BACE2: variants seen among roughly 807,000 people sequenced by gnomAD.
BACE2 encodes 56 kDa aspartic-like protease.
A neutral mutation model predicts 46.2 loss-of-function variants in BACE2; 17 were observed. The observed-to-expected ratio is 0.37, with a 90% CI of 0.25 to 0.55. The LOEUF (loss-of-function observed/expected upper bound fraction) is 0.55, where lower values mean the gene tolerates loss of function less well. Among genes scored for constraint, BACE2 ranks in the 20% least tolerant of loss-of-function variants. The probability of loss-of-function intolerance (pLI) is 0.82; values close to 1 mark genes in which losing one functional copy is unlikely to be tolerated. For missense variants in BACE2, 595 were observed against 698.1 expected (o/e 0.85, Z 1.66); for synonymous variants, 277 against 295.9 (o/e 0.94, Z 0.66).
intron 1 of BACE2, among the ~76,000 whole-genome samples, chr21:41,206,929 T>C (rs1163794157): frequency 7.2e-5 from 11 of 152,222 alleles, no homozygotes; most frequent in African/African-American, 2.2e-4. Context: ...TCTCTTTCTT[T>C]TTTTATGTTT....
chr21:41,280,604 C>G lies in BACE2; in HGVS notation c.*4980C>G, dbSNP rs1022657878. ...CAGAGCAGAAACCACGGCTTTCAGACGTGAGCAGGCTCCCTGGGCTCTTGG... is the reference window on the plus strand; with the variant it reads ...CAGAGCAGAAACCACGGCTTTCAGAGGTGAGCAGGCTCCCTGGGCTCTTGG... On this transcript the variant is annotated 3_prime_UTR_variant, in exon 9 of 9. Transcript: ENST00000330333. 6.6e-6 allele frequency: 1 copy of G among 152,362 alleles called. No individual in the cohort carries two copies. Among genetic ancestry groups the G allele is most frequent in the African/African-American group, 2.4e-5 (1 of 41,466 alleles). The allele number at this position is 152,362 out of a possible 1,614,324, so 9.4% of individuals were successfully genotyped here. A position where few individuals can be genotyped will look rare whatever the true frequency, so the allele number is the denominator to read the frequency against.
At chr21:41,245,850 G>T in intron 5 of BACE2, 112 bp from the exon 6 acceptor site, 1 of 729,396 alleles carries the variant, frequency 1.4e-6, no homozygotes, top group South Asian at 1.8e-5. Flanking sequence ...GATGACTGGT[G>T]TGGCTGCCTG....
chr21:41,189,020 C>T (rs1318831706), intron 1 of BACE2, among the ~76,000 whole-genome samples: 2 of 152,146 alleles, frequency 1.3e-5, no homozygotes, highest in African/African-American at 4.8e-5. Context: ...TTGTGTCCCT[C>T]GAGAGTTTTG....
At chr21:41,179,202 G>A (rs1312903085) in intron 1 of BACE2, 10 of 1,281,308 alleles carry the variant, frequency 7.8e-6, no homozygotes, top group Non-Finnish European at 1.0e-5. Flanking sequence ...GGGTGTCCAG[G>A]TTGAGTGAGG....
chr21:41,212,323 C>T (rs993442064), intron 1 of BACE2, among the ~76,000 whole-genome samples: 1 of 152,192 alleles, frequency 6.6e-6, no homozygotes, highest in Non-Finnish European at 1.5e-5. Flanking sequence ...CTTAGGGCCC[C>T]ACACTCATGA....
chr21:41,257,348 C>G lies in BACE2; in HGVS notation c.1303+22C>G, dbSNP rs750602181. 5 of 1,609,660 alleles carry G rather than the reference C, an allele frequency of 3.1e-6. No individual in the cohort carries two copies. In the African/African-American group the frequency reaches 4.0e-5, roughly 13 times the overall value. On this transcript the variant is annotated intron_variant, in intron 8 of 8. Coordinates refer to ENST00000330333, the MANE Select transcript of BACE2 (RefSeq NM_012105.5). ...GCAGGTGAGCGATTCTGGCATCGAACAGGGATCCCCGACAAGAGTCCTTTA... is the reference window on the plus strand; with the variant it reads ...GCAGGTGAGCGATTCTGGCATCGAAGAGGGATCCCCGACAAGAGTCCTTTA...
chr21:41,237,932 T>C (rs190206391), intron 3 of BACE2, among the ~76,000 whole-genome samples: 1 of 152,382 alleles, frequency 6.6e-6, no homozygotes, highest in East Asian at 1.9e-4. Context: ...GGAACCTTCC[T>C]GTAAGACAGG....
chr21:41,231,362 G>A (rs1460727604), intron 2 of BACE2, among the ~76,000 whole-genome samples: 1 of 152,108 alleles, frequency 6.6e-6, no homozygotes, highest in Admixed American at 6.5e-5. Context: ...CGGTCACCTG[G>A]GCCAGGACAG....
In BACE2 at chr21:41,237,646, A is replaced by G; in HGVS notation, c.535A>G (p.Thr179Ala). The G allele has an allele frequency of 1.2e-6, 2 of 1,614,196 alleles. No individual in the cohort carries two copies. The highest frequency in any genetic ancestry group is 2.2e-5 in the East Asian group (1 of 44,892). ...FNTSFLVNIA[T>A]IFESENFFLP... is the part of the protein sequence containing the mutation. Reference sequence around the variant, plus strand: ...TACTTCTTTTCTTGTCAACATTGCCACTATTTTTGAATCAGAGAATTTCTT... The same window carrying G: ...TACTTCTTTTCTTGTCAACATTGCCGCTATTTTTGAATCAGAGAATTTCTT... The change falls in exon 3 of 9, where the codon ACT (threonine) becomes GCT (alanine). Residue 179 changes from threonine (T) to alanine (A), a missense_variant. This residue lies in a region of BACE2 where 248 missense variants were observed against 261.4 expected (regional missense o/e 0.95). Coordinates refer to ENST00000330333, the MANE Select transcript of BACE2 (RefSeq NM_012105.5).
chr21:41,241,542 A>T (rs895431103), intron 3 of BACE2, among the ~76,000 whole-genome samples: 2 of 152,160 alleles, frequency 1.3e-5, no homozygotes, highest in African/African-American at 4.8e-5. Flanking sequence ...CTCACAAGGC[A>T]GTCATGATGA....
At chr21:41,219,763 G>A (rs931538633) in intron 1 of BACE2, among the ~76,000 whole-genome samples, 1 of 152,180 alleles carries the variant, frequency 6.6e-6, no homozygotes, top group African/African-American at 2.4e-5. Flanking sequence ...CCTCTAAGTG[G>A]AAAAACCACA....
chr21:41,181,450 G>A (rs1468080481), intron 1 of BACE2: 2 of 167,072 alleles, frequency 1.2e-5, no homozygotes, highest in Admixed American at 1.3e-4. Flanking sequence ...TCCTTTGTAT[G>A]TTCCCATCCG....
Position 41,168,246 on chromosome 21 carries a change from C to G in BACE2, c.-18C>G, listed in dbSNP as rs532546284. 101 of 1,152,762 alleles carry G rather than the reference C, an allele frequency of 8.8e-5. No homozygotes were observed. The African/African-American group carries it at 1.4e-3, about 16-fold the overall frequency. The allele number at this position is 1,152,762 out of a possible 1,614,324, so 71.4% of individuals were successfully genotyped here. A position where few individuals can be genotyped will look rare whatever the true frequency, so the allele number is the denominator to read the frequency against. On this transcript the variant is annotated 5_prime_UTR_variant, in exon 1 of 9. Transcript: ENST00000330333. ...GGACCGGCTAGGCTGGGCGCGCCCC[C>G]CGGGCCCCGCCGTGGGCATGGGCGC...
rs564466794 is a variant in BACE2 at position 41,237,446 on chromosome 21, A to C, written c.402-67A>C. ...GGGTGACAGAGCAAGACTCCGTCTC[A>C]AAAATAAATAAATAAAAATAAAATA... is the stretch of plus-strand genomic sequence containing the variant. On this transcript the variant is annotated intron_variant, in intron 2 of 8. Transcript: ENST00000330333. 17 of 1,225,458 alleles carry C rather than the reference A, an allele frequency of 1.4e-5. No individual in the cohort carries two copies. The East Asian group carries it at 4.5e-4, about 33-fold the overall frequency. 75.9% of individuals were successfully genotyped at this position (1,225,458 alleles called of 1,614,324 possible).
At chr21:41,199,658 A>C (rs901819485) in intron 1 of BACE2, among the ~76,000 whole-genome samples, 1 of 152,100 alleles carries the variant, frequency 6.6e-6, no homozygotes, top group Non-Finnish European at 1.5e-5. Flanking sequence ...AAGCCAGTGC[A>C]TGGATCCCAC....
chr21:41,171,071 C>G (rs1004101361), intron 1 of BACE2, among the ~76,000 whole-genome samples: 2 of 152,250 alleles, frequency 1.3e-5, no homozygotes, highest in African/African-American at 4.8e-5. Flanking sequence ...CAGATAACGA[C>G]TTCCTTCCCT....
At chr21:41,272,498 T>G (rs2088443838) in intron 8 of BACE2, among the ~76,000 whole-genome samples, 1 of 152,090 alleles carries the variant, frequency 6.6e-6, no homozygotes, top group Non-Finnish European at 1.5e-5. Context: ...TTTCAGTTTT[T>G]TCTCTGTGCT....
intron 2 of BACE2, among the ~76,000 whole-genome samples, chr21:41,236,099 G>A (rs1601294531): frequency 6.6e-6 from 1 of 152,204 alleles, no homozygotes; most frequent in Non-Finnish European, 1.5e-5. Context: ...TTCTTAGGAG[G>A]AGCATGGTTT....
chr21:41,267,190 T>C (rs2088386639), intron 8 of BACE2, among the ~76,000 whole-genome samples: 1 of 152,168 alleles, frequency 6.6e-6, no homozygotes, highest in Admixed American at 6.5e-5. Flanking sequence ...CCCCAGATGC[T>C]TCTCTTATGC....
Sources: allele counts gnomAD v4.1 joint callset (sites outside exome capture counted in the v4.1 genomes callset), GRCh38; gene constraint gnomAD v4.1.1; regional missense constraint gnomAD v4.1.1; transcripts MANE v1.5; gene names NCBI Gene and HGNC (gene_info 2026-07-23, HGNC 2026-07-21).